UBE2Q2: variants seen among roughly 807,000 people sequenced by gnomAD.
UBE2Q2 encodes the protein ubiquitin conjugating enzyme E2 Q2, also known as ubiquitin-conjugating enzyme E2 Q2.
In UBE2Q2, 54 loss-of-function variants were observed where a neutral mutation model predicts 59.9. The ratio of observed to expected loss-of-function variants is 0.90; its 90% CI spans 0.72 to 1.13. The LOEUF (loss-of-function observed/expected upper bound fraction) is 1.13, where lower values mean the gene tolerates loss of function less well. Among genes scored for constraint, UBE2Q2 ranks in the 50% most tolerant of loss-of-function variants. The pLI is 0.00. For synonymous variants in UBE2Q2, 165 were observed against 155.2 expected, an observed-to-expected ratio of 1.06 and a Z score of -0.47; for missense variants, 433 against 441.9, an observed-to-expected ratio of 0.98 and a Z score of 0.18.
At chr15:75,873,234 TAAATA>T (rs1897890857) in intron 4 of UBE2Q2, among the ~76,000 whole-genome samples, 189 bp from the exon 5 acceptor site, 1 of 152,202 alleles carries the variant, frequency 6.6e-6, no homozygotes, top group African/African-American at 2.4e-5. Flanking sequence ...GTCTAGATTT[TAAATA>T]AAATATAGGA....
At chr15:75,881,923 C>T (rs1467939975) in intron 8 of UBE2Q2, among the ~76,000 whole-genome samples, 1 of 152,020 alleles carries the variant, frequency 6.6e-6, no homozygotes, top group Non-Finnish European at 1.5e-5. Flanking sequence ...GAATAATAGC[C>T]AGGATTGGGA....
chr15:75,843,810 G>A lies in UBE2Q2; in HGVS notation c.144G>A (p.Ser48=). 3 of 1,599,488 alleles carry A rather than the reference G, an allele frequency of 1.9e-6. No homozygotes were observed. Among genetic ancestry groups the A allele is most frequent in the African/African-American group, 1.3e-5 (1 of 74,156 alleles). ...TGCCGCAGCAGGGCAGCCCGCACTC[G>A]CTGCCGCCGCCACTCACGCTCCACT... ...FLVPQQGSPH[S]LPPPLTLHCN... Residue 48 remains serine (S), a synonymous_variant, in exon 1 of 13, where the codon TCG becomes TCA. Coordinates refer to ENST00000267938, the MANE Select transcript of UBE2Q2 (RefSeq NM_173469.4).
intron 5 of UBE2Q2, among the ~76,000 whole-genome samples, chr15:75,875,425 A>T (rs1017785513): frequency 6.6e-6 from 1 of 152,226 alleles, no homozygotes; most frequent in African/African-American, 2.4e-5. Flanking sequence ...ATGTCCCTGC[A>T]CTGAAAAACT....
intron 11 of UBE2Q2, among the ~76,000 whole-genome samples, chr15:75,893,153 A>G (rs986043914): frequency 6.6e-6 from 1 of 152,252 alleles, no homozygotes; most frequent in African/African-American, 2.4e-5. Flanking sequence ...AATCAGTCAC[A>G]ACAAATGTAA....
chr15:75,858,384 T>G (rs1306602927), intron 2 of UBE2Q2, among the ~76,000 whole-genome samples: 1 of 152,180 alleles, frequency 6.6e-6, no homozygotes, highest in Non-Finnish European at 1.5e-5. Context: ...CTTGTGATTG[T>G]GAGTGGGACA....
At chr15:75,890,312 C>CA in intron 9 of UBE2Q2, 123 bp from the exon 10 acceptor site, 1 of 686,438 alleles carries the variant, frequency 1.5e-6, no homozygotes, top group South Asian at 2.0e-5. Flanking sequence ...CAACTGTTGT[C>CA]ATGTTTGCAT....
At position 75,892,347 on chromosome 15, in the gene UBE2Q2, GAAATAAT is replaced by G. The variant is rs1211793022; in HGVS notation, c.1029+1342_1029+1348del. 7.2e-5 allele frequency among the ~76,000 whole-genome samples: 11 copies of G among 152,228 alleles called. No homozygotes were observed. In the East Asian group the frequency reaches 2.1e-3, roughly 29 times the overall value. On this transcript the variant is annotated intron_variant, in intron 11 of 12. Transcript: ENST00000267938. ...AACCCAACATATTTGAGAATTGTCA[GAAATAAT>G]AAATAATAGATATGTTTCCCAAGGA...
At chr15:75,876,108 T>A in intron 5 of UBE2Q2, 79 bp from the exon 6 acceptor site, 1 of 1,341,404 alleles carries the variant, frequency 7.5e-7, no homozygotes, top group Non-Finnish European at 1.0e-6. Context: ...CCATTTTTGC[T>A]GTAATCTTTT....
chr15:75,854,213 G>T (rs1896784851), intron 1 of UBE2Q2, among the ~76,000 whole-genome samples, 173 bp from the exon 2 acceptor site: 1 of 152,150 alleles, frequency 6.6e-6, no homozygotes, highest in East Asian at 1.9e-4. Context: ...GCTATGCAAG[G>T]AGAATGGTTG....
intron 9 of UBE2Q2, among the ~76,000 whole-genome samples, chr15:75,884,866 C>T (rs1335042484): frequency 6.6e-6 from 1 of 152,008 alleles, no homozygotes; most frequent in Admixed American, 6.6e-5. Flanking sequence ...TCAGGCTGGT[C>T]TTGAACTCCT....
intron 10 of UBE2Q2, 71 bp from the exon 11 acceptor site, chr15:75,890,848 A>G: frequency 7.5e-7 from 1 of 1,333,696 alleles, no homozygotes; most frequent in Middle Eastern, 1.8e-4. Flanking sequence ...GTTATATACC[A>G]TTTTGTTAGG....
intron 4 of UBE2Q2, among the ~76,000 whole-genome samples, chr15:75,871,294 G>A (rs1409578267): frequency 2.0e-5 from 3 of 152,172 alleles, no homozygotes; most frequent in Non-Finnish European, 2.9e-5. Context: ...GTTTTATACC[G>A]AGACATTCCA....
intron 1 of UBE2Q2, 156 bp downstream of exon 1, chr15:75,844,002 G>T: frequency 2.1e-6 from 3 of 1,411,220 alleles, no homozygotes; most frequent in Non-Finnish European, 2.7e-6. Context: ...TCCCAGGCCG[G>T]GCTGGGACTG....
intron 6 of UBE2Q2, among the ~76,000 whole-genome samples, chr15:75,877,665 C>T (rs1477848017): frequency 4.6e-5 from 7 of 152,110 alleles, no homozygotes; most frequent in Admixed American, 3.9e-4. Flanking sequence ...AATGTGTGTT[C>T]ATGGAAGAAA....
chr15:75,886,408 T>TGGGATTATGGCATGG (rs1376225930), intron 9 of UBE2Q2, among the ~76,000 whole-genome samples: 4 of 152,088 alleles, frequency 2.6e-5, no homozygotes, highest in Non-Finnish European at 5.9e-5. Flanking sequence ...CATGAGCCAC[T>TGGGATTATGGCATGG]GCCTGGCCAA....
At chr15:75,888,215 A>G (rs1464263838) in intron 9 of UBE2Q2, among the ~76,000 whole-genome samples, 2 of 152,234 alleles carry the variant, frequency 1.3e-5, no homozygotes, top group East Asian at 1.9e-4. Flanking sequence ...GACTTCAAAA[A>G]GAAACCCCGT....
At chr15:75,870,049 A>T (rs938728906) in intron 4 of UBE2Q2, among the ~76,000 whole-genome samples, 1 of 152,140 alleles carries the variant, frequency 6.6e-6, no homozygotes, top group Admixed American at 6.5e-5. Context: ...AATGCTTCAG[A>T]ACTAAAGAAG....
chr15:75,845,667 G>C (rs891927747), intron 1 of UBE2Q2, among the ~76,000 whole-genome samples: 1 of 152,182 alleles, frequency 6.6e-6, no homozygotes, highest in Non-Finnish European at 1.5e-5. Context: ...CCCAGTGGGG[G>C]TGGGGTGGTC....
In UBE2Q2 at chr15:75,854,500, G is replaced by A. The variant is rs1482383264; in HGVS notation, c.282+13G>A. 2 of 1,550,736 alleles carry A rather than the reference G, an allele frequency of 1.3e-6. No individual in the cohort carries two copies. Among genetic ancestry groups the A allele is most frequent in the Admixed American group, 3.4e-5 (2 of 58,010 alleles). ...GAACAACAATTTGGTAAGAAAATAA[G>A]CCAAGCTATTTTCTCTTTTCCTCAT... On this transcript the variant is annotated intron_variant, in intron 2 of 12. Coordinates refer to ENST00000267938, the MANE Select transcript of UBE2Q2 (RefSeq NM_173469.4).
Sources: allele counts gnomAD v4.1 joint callset (sites outside exome capture counted in the v4.1 genomes callset), GRCh38; gene constraint gnomAD v4.1.1; transcripts MANE v1.5; gene names NCBI Gene and HGNC (gene_info 2026-07-23, HGNC 2026-07-21).